CBL: variants seen among roughly 807,000 people sequenced by gnomAD.
The protein encoded by CBL is E3 ubiquitin-protein ligase CBL.
CBL carries 45 observed loss-of-function variants against 96.9 expected under a neutral mutation model. That is an observed-to-expected ratio of 0.46 (90% confidence interval 0.37 to 0.60). The LOEUF is 0.60. Ranked by LOEUF, CBL falls within the 20% of genes least tolerant of loss-of-function variation. The pLI is 0.00. For synonymous variants in CBL, 420 were observed against 426.8 expected (o/e 0.98, Z 0.20); for missense variants, 1,024 against 1,143.5 (o/e 0.90, Z 1.51).
intron 2 of CBL, among the ~76,000 whole-genome samples, chr11:119,271,396 A>G (rs549223753): frequency 2.0e-5 from 3 of 152,232 alleles, no homozygotes; most frequent in Non-Finnish European, 4.4e-5. Flanking sequence ...CATAATATCT[A>G]TTTGAATGGA....
chr11:119,237,430 AT>A (rs1949554257), intron 2 of CBL, among the ~76,000 whole-genome samples: 2 of 152,158 alleles, frequency 1.3e-5, no homozygotes, highest in African/African-American at 4.8e-5. Flanking sequence ...GAAGACCAAT[AT>A]TTATTTGGTT....
chr11:119,271,676 G>C, intron 2 of CBL, 59 bp from the exon 3 acceptor site: 1 of 1,387,866 alleles, frequency 7.2e-7, no homozygotes, highest in Admixed American at 1.7e-5. Flanking sequence ...GGTGAATTTG[G>C]TGCATTTAAA....
chr11:119,232,306 G>C, intron 1 of CBL, 142 bp from the exon 2 acceptor site: 2 of 878,768 alleles, frequency 2.3e-6, no homozygotes, highest in East Asian at 5.0e-5. Flanking sequence ...TGGGCAATGG[G>C]GTTATGGATC....
intron 1 of CBL, among the ~76,000 whole-genome samples, chr11:119,207,973 G>C (rs1949287703): frequency 2.6e-5 from 4 of 152,214 alleles, no homozygotes; most frequent in Admixed American, 2.6e-4. Flanking sequence ...CTCCAGTAGT[G>C]CATGCCAGTG....
intron 1 of CBL, among the ~76,000 whole-genome samples, chr11:119,207,524 G>A (rs1181269153): frequency 6.6e-6 from 1 of 151,982 alleles, no homozygotes; most frequent in African/African-American, 2.4e-5. Flanking sequence ...TTTGCTTTTT[G>A]CAAGTGCGAA....
intron 1 of CBL, among the ~76,000 whole-genome samples, chr11:119,222,194 A>G (rs1949417369): frequency 6.6e-6 from 1 of 152,112 alleles, no homozygotes; most frequent in African/African-American, 2.4e-5. Flanking sequence ...TTAGTCTTAC[A>G]TGTGTATGGT....
chr11:119,212,271 T>G (rs1455629625), intron 1 of CBL, among the ~76,000 whole-genome samples: 1 of 152,162 alleles, frequency 6.6e-6, no homozygotes, highest in Non-Finnish European at 1.5e-5. Flanking sequence ...GTATAGTTTA[T>G]TAGAAAAATA....
chr11:119,234,633 G>A (rs1306039554), intron 2 of CBL, among the ~76,000 whole-genome samples: 1 of 152,130 alleles, frequency 6.6e-6, no homozygotes, highest in Non-Finnish European at 1.5e-5. Context: ...ATAGAGATAT[G>A]TACAAAATTC....
At chr11:119,265,976 G>A (rs1187537108) in intron 2 of CBL, among the ~76,000 whole-genome samples, 1 of 131,906 alleles carries the variant, frequency 7.6e-6, no homozygotes, top group African/African-American at 3.0e-5. Context: ...GCCAAGACGT[G>A]ACACTGCATA....
chr11:119,220,692 G>A lies in CBL; in HGVS notation c.196-11756G>A, dbSNP rs370769898. ...AATGTATTTTTTCTGCAGTTGATGT[G>A]GTAGGTGAAAGTAATGAGATTGGTA... On this transcript the variant is annotated intron_variant, in intron 1 of 15. Coordinates refer to ENST00000264033, the MANE Select transcript of CBL (RefSeq NM_005188.4). 8.2e-4 allele frequency among the ~76,000 whole-genome samples: 125 copies of A among 152,286 alleles called. 1 individual carries two copies. Among genetic ancestry groups the A allele is most frequent in the African/African-American group, 2.9e-3 (119 of 41,570 alleles).
intron 2 of CBL, among the ~76,000 whole-genome samples, chr11:119,268,579 A>G (rs1456228426): frequency 6.6e-6 from 1 of 152,250 alleles, no homozygotes; most frequent in Non-Finnish European, 1.5e-5. Context: ...TGGAAAAACT[A>G]CCAAGGCCTA....
chr11:119,256,735 G>T (rs1949714994), intron 2 of CBL, among the ~76,000 whole-genome samples: 1 of 144,680 alleles, frequency 6.9e-6, no homozygotes. Context: ...CCCCGCTTCT[G>T]AGTCTCTAAA....
At chr11:119,296,129 A>T (rs1251108870) in intron 12 of CBL, among the ~76,000 whole-genome samples, 11 of 152,222 alleles carry the variant, frequency 7.2e-5, no homozygotes, top group African/African-American at 2.7e-4. Flanking sequence ...TTTTATAATT[A>T]GGAAAACTAA....
chr11:119,207,329 T>C (rs1424221526), intron 1 of CBL, among the ~76,000 whole-genome samples: 2 of 152,236 alleles, frequency 1.3e-5, no homozygotes, highest in African/African-American at 4.8e-5. Context: ...TTAGAACTAT[T>C]ATCTTCTGAA....
chr11:119,241,947 T>C (rs1458748735), intron 2 of CBL, among the ~76,000 whole-genome samples: 1 of 152,186 alleles, frequency 6.6e-6, no homozygotes, highest in African/African-American at 2.4e-5. Flanking sequence ...ACTGGATAGA[T>C]AGTGCAATGG....
chr11:119,243,055 AT>A (rs1300718220), intron 2 of CBL, among the ~76,000 whole-genome samples: 13 of 152,206 alleles, frequency 8.5e-5, no homozygotes, highest in East Asian at 7.7e-4. Context: ...AGGCAGGCAG[AT>A]TACCTGAGGT....
intron 1 of CBL, among the ~76,000 whole-genome samples, chr11:119,223,402 ATTATGTTATG>A (rs745476259): frequency 2.7e-5 from 4 of 148,776 alleles, no homozygotes; most frequent in Admixed American, 1.3e-4. Flanking sequence ...TTTATTTTGA[ATTATGTTATG>A]TTATGTTATG....
At chr11:119,220,626 A>G (rs1342146645) in intron 1 of CBL, among the ~76,000 whole-genome samples, 1 of 152,194 alleles carries the variant, frequency 6.6e-6, no homozygotes, top group East Asian at 1.9e-4. Flanking sequence ...ATCCATATAT[A>G]AAAACTGCAT....
chr11:119,282,282 G>T (rs573781289), intron 9 of CBL, among the ~76,000 whole-genome samples: 3 of 151,106 alleles, frequency 2.0e-5, no homozygotes, highest in Non-Finnish European at 2.9e-5. Context: ...AGGTTGCAGC[G>T]AGCTGAGATC....
Sources: gnomAD v4.1 joint callset for allele counts (sites outside exome capture counted in the v4.1 genomes callset) on GRCh38, gnomAD v4.1.1 for gene constraint, MANE v1.5 for transcripts, NCBI Gene and HGNC (gene_info 2026-07-23, HGNC 2026-07-21) for gene names.